TAF15: variants seen among roughly 807,000 people sequenced by gnomAD.
The protein encoded by TAF15 is TATA-binding protein-associated factor 2N.
A neutral mutation model predicts 102.5 loss-of-function variants in TAF15; 37 were observed. That is an observed-to-expected ratio of 0.36 (90% confidence interval 0.28 to 0.47). The LOEUF is 0.47. Ranked by LOEUF, TAF15 falls within the 20% of genes least tolerant of loss-of-function variation. TAF15 has a pLI of 0.99. For synonymous variants in TAF15, 273 were observed against 259.2 expected (o/e 1.05, Z -0.51); for missense variants, 652 against 760.7 (o/e 0.86, Z 1.68).
In TAF15 at chr17:35,846,934, C is replaced by G. The variant is rs376443844; in HGVS notation, c.1768C>G (p.Arg590Gly). 6.2e-7 allele frequency: 1 copy of G among 1,614,136 alleles called. No homozygotes were observed. Among genetic ancestry groups the G allele is most frequent in the Non-Finnish European group, 8.5e-7 (1 of 1,180,016 alleles). ...CGACTACAGAAATGATCAGCGCAAC[C>G]GACCATACTGATGACTGTTTTGAAT... ...RNDYRNDQRN[R>G]PY Residue 590 changes from arginine (R) to glycine (G), a missense_variant, in exon 16 of 16, where the codon CGA becomes GGA. Physicochemically the swap from Arg to Gly is moderately radical, Grantham distance 125. Coordinates refer to ENST00000605844, the MANE Select transcript of TAF15 (RefSeq NM_139215.3).
chr17:35,814,692 A>G (rs2087172279), intron 1 of TAF15, among the ~76,000 whole-genome samples: 1 of 151,860 alleles, frequency 6.6e-6, no homozygotes, highest in Non-Finnish European at 1.5e-5. Flanking sequence ...ATCTCTATTA[A>G]AAATACAAAA....
intron 7 of TAF15, chr17:35,830,260 G>A (rs1278188254): frequency 6.6e-6 from 1 of 151,998 alleles, no homozygotes; most frequent in Non-Finnish European, 1.5e-5. Flanking sequence ...GACCAGACTA[G>A]GCAAAATAGC....
At chr17:35,834,307 T>G (rs1214019904) in intron 8 of TAF15, 6 of 470,560 alleles carry the variant, frequency 1.3e-5, no homozygotes, top group Non-Finnish European at 2.2e-5. Flanking sequence ...AACCAGAGCT[T>G]AACAAAAGTG....
chr17:35,840,700 C>T (rs1007339051), intron 11 of TAF15, among the ~76,000 whole-genome samples: 1 of 151,840 alleles, frequency 6.6e-6, no homozygotes, highest in African/African-American at 2.4e-5. Flanking sequence ...CCCATCTCTA[C>T]TAAAAATACA....
At chr17:35,821,079 G>A (rs4251739) in intron 5 of TAF15, among the ~76,000 whole-genome samples, 8,084 of 152,204 alleles carry the variant, frequency 0.053, 349 homozygotes, top group African/African-American at 0.12. Context: ...TAGTGTCAGT[G>A]ATTCCCATTT....
intron 5 of TAF15, among the ~76,000 whole-genome samples, chr17:35,821,531 ATTG>A (rs1320205711): frequency 6.6e-6 from 1 of 151,980 alleles, no homozygotes; most frequent in African/African-American, 2.4e-5. Flanking sequence ...CTTTTATTAG[ATTG>A]TTCTGATCCT....
intron 1 of TAF15, chr17:35,810,180 G>GTAATTTAGCTTCTTCTTCACCC (rs1555614565): frequency 1.3e-5 from 2 of 157,816 alleles, no homozygotes; most frequent in African/African-American, 4.9e-5. Context: ...TGTTTGCATA[G>GTAATTTAGCTTCTTCTTCACCC]TAATTTAGCT....
At chr17:35,812,430 C>T (rs1451464667) in intron 1 of TAF15, among the ~76,000 whole-genome samples, 1 of 151,758 alleles carries the variant, frequency 6.6e-6, no homozygotes, top group Non-Finnish European at 1.5e-5. Context: ...AACCCCATCT[C>T]TACTTAAAAA....
intron 7 of TAF15, 81 bp from the exon 8 acceptor site, chr17:35,833,826 C>A: frequency 1.4e-6 from 2 of 1,421,788 alleles, no homozygotes; most frequent in Non-Finnish European, 2.0e-6. Flanking sequence ...CTACTTGTGA[C>A]AGTTAAGTGT....
intron 1 of TAF15, among the ~76,000 whole-genome samples, chr17:35,812,092 TGGGAACTGAGACTCTTAACATA>T (rs2087131126): frequency 1.3e-5 from 2 of 151,992 alleles, no homozygotes; most frequent in African/African-American, 4.8e-5. Context: ...CGCCAGGTAA[TGGGAACTGAGACTCTTAACATA>T]AATTCTAGAC....
intron 15 of TAF15, among the ~76,000 whole-genome samples, chr17:35,845,503 G>T (rs2087613179): frequency 6.6e-6 from 1 of 152,098 alleles, no homozygotes; most frequent in Non-Finnish European, 1.5e-5. Context: ...CATTCCTCCT[G>T]TCTTGGCCTC....
chr17:35,815,490 G>T (rs1482330456), intron 1 of TAF15, among the ~76,000 whole-genome samples: 3 of 152,122 alleles, frequency 2.0e-5, no homozygotes, highest in Non-Finnish European at 4.4e-5. Context: ...AATTTCAGAG[G>T]GCTGAAATGA....
At chr17:35,809,605 A>G (rs1232254988) in intron 1 of TAF15, 29 bp downstream of exon 1, 1 of 1,612,920 alleles carries the variant, frequency 6.2e-7, no homozygotes, top group Non-Finnish European at 8.5e-7. Flanking sequence ...GAGCAGCGGC[A>G]GCGACGAGAA....
intron 7 of TAF15, 43 bp downstream of exon 7, chr17:35,824,241 CT>C (rs35907284): frequency 0.061 from 83,397 of 1,367,644 alleles, 83 homozygotes; most frequent in African/African-American, 0.092. Flanking sequence ...TCTTCTTCCT[CT>C]TTTTTTTTTT....
rs4251726 is a variant in TAF15 at position 35,817,507 on chromosome 17, G to A, written c.8-209G>A. 7.4e-3 allele frequency among the ~76,000 whole-genome samples: 1,131 copies of A among 152,310 alleles called. 5 individuals carry two copies. The highest frequency in any genetic ancestry group is 0.027 in the South Asian group (128 of 4,828). On this transcript the variant is annotated intron_variant, in intron 1 of 15. Coordinates refer to ENST00000605844, the MANE Select transcript of TAF15 (RefSeq NM_139215.3). ...GGGTTCTTGTGACCCTAGCACACAT[G>A]TAGAATAGTAGTTTGCAAATACGTA...
intron 1 of TAF15, among the ~76,000 whole-genome samples, chr17:35,813,117 CAA>C (rs55754009): frequency 2.5e-4 from 15 of 58,936 alleles, no homozygotes; most frequent in African/African-American, 4.1e-4. Context: ...GACTCTGTCT[CAA>C]AAAAAAAAAA....
At chr17:35,839,370 CTTTTTTTTTTTTTT>C (rs562461506) in intron 11 of TAF15, among the ~76,000 whole-genome samples, 4 of 52,420 alleles carry the variant, frequency 7.6e-5, no homozygotes, top group South Asian at 6.1e-4. Context: ...AAGAAATAGA[CTTTTTTTTTTTTTT>C]TTTTTTTTTT....
At chr17:35,845,229 T>C (rs574599106) in intron 15 of TAF15, among the ~76,000 whole-genome samples, 191 bp downstream of exon 15, 2 of 152,326 alleles carry the variant, frequency 1.3e-5, no homozygotes, top group African/African-American at 4.8e-5. Flanking sequence ...TTTTTAACTT[T>C]AATTTTTATT....
rs115298474 is a variant in TAF15 at position 35,828,563 on chromosome 17, T to C, written c.605+4365T>C. 8.6e-3 allele frequency among the ~76,000 whole-genome samples: 1,307 copies of C among 152,226 alleles called. 26 individuals are homozygous for C. The highest frequency in any genetic ancestry group is 0.03 in the African/African-American group (1,227 of 41,526). ...AGATGGGCAATATAGTAAGATGTCATCTTTTAAAAATGAAAAAATTAGCTG... is the reference window on the plus strand; with the variant it reads ...AGATGGGCAATATAGTAAGATGTCACCTTTTAAAAATGAAAAAATTAGCTG... On this transcript the variant is annotated intron_variant, in intron 7 of 15. Coordinates refer to ENST00000605844, the MANE Select transcript of TAF15 (RefSeq NM_139215.3).
Sources: allele counts gnomAD v4.1 joint callset (sites outside exome capture counted in the v4.1 genomes callset), GRCh38; gene constraint gnomAD v4.1.1; transcripts MANE v1.5; gene names NCBI Gene and HGNC (gene_info 2026-07-23, HGNC 2026-07-21).